GALNT13: variants seen among roughly 807,000 people sequenced by gnomAD.
GALNT13 encodes UDP-GalNAc:polypeptide N-acetylgalactosaminyltransferase 13.
GALNT13 carries 28 observed loss-of-function variants against 64.2 expected under a neutral mutation model. The ratio of observed to expected loss-of-function variants is 0.44; its 90% CI spans 0.32 to 0.60. The LOEUF (loss-of-function observed/expected upper bound fraction) is 0.60. Ranked by LOEUF, GALNT13 falls within the 20% of genes least tolerant of loss-of-function variation. The pLI, the probability that GALNT13 is intolerant of heterozygous loss-of-function variation, is 0.05. For synonymous variants in GALNT13, 214 were observed against 224.6 expected, an observed-to-expected ratio of 0.95 and a Z score of 0.42; for missense variants, 577 against 669.8, an observed-to-expected ratio of 0.86 and a Z score of 1.53.
At chr2:154,334,679 C>A in intron 9 of GALNT13, among the ~76,000 whole-genome samples, 1 of 151,978 alleles carries the variant, frequency 6.6e-6, no homozygotes, top group Non-Finnish European at 1.5e-5. Flanking sequence ...TATTCCTGGA[C>A]TTTGTGTATA....
intron 3 of GALNT13, among the ~76,000 whole-genome samples, chr2:154,023,590 C>T (rs1697702657): frequency 6.6e-6 from 1 of 152,148 alleles, no homozygotes; most frequent in Admixed American, 6.5e-5. Context: ...ATGTGTGTCT[C>T]TGCCCGTGAG....
chr2:153,803,027 T>G, the GALNT13 span, among the ~76,000 whole-genome samples: 1 of 152,186 alleles, frequency 6.6e-6, no homozygotes, highest in East Asian at 1.9e-4. Context: ...AGAACACAAA[T>G]TAGATTTAAT....
chr2:153,313,109 C>A, the GALNT13 span, among the ~76,000 whole-genome samples: 1 of 152,078 alleles, frequency 6.6e-6, no homozygotes, highest in Non-Finnish European at 1.5e-5. Flanking sequence ...ATTAGTGCAT[C>A]CACTGTGGAA....
chr2:153,308,970 C>A, the GALNT13 span, among the ~76,000 whole-genome samples: 1 of 151,990 alleles, frequency 6.6e-6, no homozygotes, highest in Non-Finnish European at 1.5e-5. Context: ...ATGTTTGAGG[C>A]TTTGTCCATA....
At chr2:154,120,064 G>GT in intron 3 of GALNT13, among the ~76,000 whole-genome samples, 1 of 151,664 alleles carries the variant, frequency 6.6e-6, no homozygotes, top group East Asian at 1.9e-4. Flanking sequence ...TGTTTTTAAG[G>GT]TTTTTTGTTT....
chr2:153,094,613 C>G, the GALNT13 span, among the ~76,000 whole-genome samples: 1 of 152,176 alleles, frequency 6.6e-6, no homozygotes, highest in Non-Finnish European at 1.5e-5. Flanking sequence ...AAGCTGGAGG[C>G]ATCATGCTAC....
At chr2:153,582,765 G>T in the GALNT13 span, among the ~76,000 whole-genome samples, 1 of 152,000 alleles carries the variant, frequency 6.6e-6, no homozygotes. Flanking sequence ...AAAATTAATG[G>T]CCTGAAAAAT....
the GALNT13 span, among the ~76,000 whole-genome samples, chr2:153,242,404 A>AAAGGGG: frequency 1.3e-5 from 2 of 152,212 alleles, no homozygotes; most frequent in Non-Finnish European, 2.9e-5. Flanking sequence ...AAAGGAAGGG[A>AAAGGGG]AAGGGGAAGG....
chr2:153,274,526 G>A, the GALNT13 span, among the ~76,000 whole-genome samples: 1 of 152,174 alleles, frequency 6.6e-6, no homozygotes, highest in Non-Finnish European at 1.5e-5. Flanking sequence ...GCTGAAAAGA[G>A]TCCCAGGCTG....
the GALNT13 span, among the ~76,000 whole-genome samples, chr2:153,505,937 A>G: frequency 2.0e-5 from 3 of 152,070 alleles, no homozygotes; most frequent in African/African-American, 7.2e-5. Flanking sequence ...ATGACCTGTC[A>G]GTGGAGTATT....
intron 3 of GALNT13, among the ~76,000 whole-genome samples, chr2:154,119,493 A>G (rs951872372): frequency 4.6e-5 from 7 of 152,192 alleles, no homozygotes; most frequent in African/African-American, 1.7e-4. Flanking sequence ...GTCTTCAACC[A>G]TTATTTCTCT....
chr2:153,473,460 T>C, the GALNT13 span, among the ~76,000 whole-genome samples: 5 of 152,126 alleles, frequency 3.3e-5, no homozygotes, highest in African/African-American at 9.7e-5. Flanking sequence ...CAAAGTGAGA[T>C]TGGCCATGGA....
chr2:154,178,066 C>G (rs919088712), intron 4 of GALNT13, among the ~76,000 whole-genome samples: 1 of 152,002 alleles, frequency 6.6e-6, no homozygotes, highest in Non-Finnish European at 1.5e-5. Flanking sequence ...GAGAGGATAC[C>G]ACTGTCACCG....
chr2:153,172,801 T>C, the GALNT13 span, among the ~76,000 whole-genome samples: 8 of 152,140 alleles, frequency 5.3e-5, no homozygotes, highest in African/African-American at 1.9e-4. Context: ...AAAGAGAGGG[T>C]AAGGTAATCT....
the GALNT13 span, among the ~76,000 whole-genome samples, chr2:153,357,662 A>T: frequency 6.6e-6 from 1 of 151,890 alleles, no homozygotes; most frequent in Non-Finnish European, 1.5e-5. Context: ...ATGGAAGTGG[A>T]GTCTTCAGCT....
chr2:153,118,882 C>T, the GALNT13 span, among the ~76,000 whole-genome samples: 146 of 152,174 alleles, frequency 9.6e-4, no homozygotes, highest in African/African-American at 3.3e-3. Flanking sequence ...GTGTCCCCAC[C>T]CAAATCTCAT....
intron 3 of GALNT13, among the ~76,000 whole-genome samples, chr2:154,013,556 C>T (rs993191888): frequency 2.0e-5 from 3 of 152,008 alleles, no homozygotes; most frequent in South Asian, 2.1e-4. Context: ...CTGACAGGGG[C>T]GGGCACACCG....
chr2:153,609,931 A>C, the GALNT13 span, among the ~76,000 whole-genome samples: 1 of 152,210 alleles, frequency 6.6e-6, no homozygotes, highest in South Asian at 2.1e-4. Flanking sequence ...TAGGAAACTG[A>C]GCTAAAAGGA....
chr2:153,741,715 G>C, the GALNT13 span, among the ~76,000 whole-genome samples: 1 of 152,076 alleles, frequency 6.6e-6, no homozygotes, highest in South Asian at 2.1e-4. Context: ...TTGTAAATCT[G>C]TGCATATATC....
Sources: allele counts gnomAD v4.1 joint callset (sites outside exome capture counted in the v4.1 genomes callset), GRCh38; gene constraint gnomAD v4.1.1; transcripts MANE v1.5; gene names NCBI Gene and HGNC (gene_info 2026-07-23, HGNC 2026-07-21).